PRKD1: variants seen among roughly 807,000 people sequenced by gnomAD.
PRKD1 encodes serine/threonine-protein kinase D1.
In PRKD1, 63 loss-of-function variants were observed where a neutral mutation model predicts 95.9. The ratio of observed to expected loss-of-function variants is 0.66; its 90% CI spans 0.54 to 0.81. PRKD1 has a LOEUF of 0.81. Ranked by LOEUF, PRKD1 falls within the 30% of genes least tolerant of loss-of-function variation. The pLI is 0.00. For missense variants in PRKD1, 1,048 were observed against 1,165.3 expected (o/e 0.90, Z 1.47); for synonymous variants, 425 against 423.1 (o/e 1.00, Z -0.05).
At chr14:29,771,669 G>A (rs950216892) in intron 1 of PRKD1, among the ~76,000 whole-genome samples, 1 of 152,168 alleles carries the variant, frequency 6.6e-6, no homozygotes, top group African/African-American at 2.4e-5. Context: ...ACTCAGAACT[G>A]TAGATACAAC....
rs772499291 is a variant in PRKD1, at chr14:29,638,893, T to C, written c.708A>G (p.Pro236=). Residue 236 remains proline, a synonymous_variant, in exon 5 of 18, where the codon CCA becomes CCG. Coordinates refer to ENST00000331968, the MANE Select transcript of PRKD1 (RefSeq NM_002742.3). Reference sequence around the variant, plus strand: ...TCTCTCGACCAATAAACGACTCTGATGGTGATTTTTGCTACATTTTGGAAA... The same window carrying C: ...TCTCTCGACCAATAAACGACTCTGACGGTGATTTTTGCTACATTTTGGAAA... The part of the protein sequence containing the change: ...APDEPLLQKS[P]SESFIGREKR... 1.2e-6 allele frequency: 2 copies of C among 1,614,066 alleles called. No homozygotes were observed. The highest frequency in any genetic ancestry group is 1.7e-6 in the Non-Finnish European group (2 of 1,179,938).
At chr14:29,707,960 T>C (rs9322846) in intron 2 of PRKD1, among the ~76,000 whole-genome samples, 77,066 of 151,934 alleles carry the variant, frequency 0.51, 21,726 homozygotes, top group African/African-American at 0.76. Context: ...CAATCTTCAT[T>C]AACTGCCCAT....
At chr14:29,656,140 A>G (rs1454369029) in intron 4 of PRKD1, among the ~76,000 whole-genome samples, 1 of 152,146 alleles carries the variant, frequency 6.6e-6, no homozygotes, top group Non-Finnish European at 1.5e-5. Context: ...CATTCTCAAT[A>G]TGTCTGCTCA....
At chr14:29,682,545 A>G (rs1374385129) in intron 2 of PRKD1, among the ~76,000 whole-genome samples, 11 of 152,326 alleles carry the variant, frequency 7.2e-5, no homozygotes, top group Admixed American at 6.5e-4. Flanking sequence ...TTGCTTTATT[A>G]AATGGCTTTA....
chr14:29,831,364 G>A (rs1891404229), intron 1 of PRKD1, among the ~76,000 whole-genome samples: 1 of 151,560 alleles, frequency 6.6e-6, no homozygotes, highest in African/African-American at 2.4e-5. Context: ...GGCCAGAACA[G>A]TTTAAGGTCA....
At chr14:29,834,300 T>C (rs1212657189) in intron 1 of PRKD1, among the ~76,000 whole-genome samples, 1 of 152,172 alleles carries the variant, frequency 6.6e-6, no homozygotes, top group African/African-American at 2.4e-5. Flanking sequence ...CTACTTTGTT[T>C]GTATTTTTGA....
Position 29,927,474 on chromosome 14 carries a change from C to T in PRKD1, c.39G>A (p.Leu13=), listed in dbSNP as rs963836055. 9 of 1,268,134 alleles carry T rather than the reference C, an allele frequency of 7.1e-6. No homozygotes were observed. The highest frequency in any genetic ancestry group is 8.9e-6 in the Non-Finnish European group (9 of 1,012,310). 78.6% of individuals were successfully genotyped at this position (1,268,134 alleles called of 1,614,324 possible). A position where few individuals can be genotyped will look rare whatever the true frequency, so the allele number is the denominator to read the frequency against. Reference sequence around the variant, plus strand: ...CGGCAGCTGCCGCCGCCACGGGCAGCAGCGGACTGGGCGGCCGCAGGACCG... The same window carrying T: ...CGGCAGCTGCCGCCGCCACGGGCAGTAGCGGACTGGGCGGCCGCAGGACCG... ...APPVLRPPSP[L]LPVAAAAAAA... Residue 13 remains leucine (L), a synonymous_variant, in exon 1 of 18, where the codon CTG becomes CTA. Coordinates refer to ENST00000331968, the MANE Select transcript of PRKD1 (RefSeq NM_002742.3).
chr14:29,924,371 A>G (rs916750949), intron 1 of PRKD1, among the ~76,000 whole-genome samples: 5 of 152,128 alleles, frequency 3.3e-5, no homozygotes, highest in Admixed American at 3.3e-4. Flanking sequence ...GAACAACTAT[A>G]CTCTAAATTC....
rs189687559 is a variant in PRKD1, at chr14:29,775,165, G to A, written c.265-49491C>T. Among the ~76,000 whole-genome samples the A allele has an allele frequency of 1.7e-3, 255 of 152,296 alleles. 1 individual carries two copies. The highest frequency in any genetic ancestry group is 7.6e-3 in the Admixed American group (116 of 15,298). On this transcript the variant is annotated intron_variant, in intron 1 of 17. Coordinates refer to ENST00000331968, the MANE Select transcript of PRKD1 (RefSeq NM_002742.3). ...GCTTATAGAACCTTGAGAGGACCGA[G>A]AGGTTCCAAGATGGCCGAATAGGAA...
At chr14:29,606,225 C>T (rs1594356384) in intron 13 of PRKD1, among the ~76,000 whole-genome samples, 2 of 152,126 alleles carry the variant, frequency 1.3e-5, no homozygotes, top group Non-Finnish European at 2.9e-5. Flanking sequence ...GTTAGCCAGG[C>T]TGGTCACAAA....
chr14:29,794,209 A>G (rs1242047570), intron 1 of PRKD1, among the ~76,000 whole-genome samples: 2 of 152,016 alleles, frequency 1.3e-5, no homozygotes. Context: ...AACAAGGGCC[A>G]TGATTTATAA....
intron 16 of PRKD1, chr14:29,590,969 G>A (rs1250497667): frequency 3.3e-5 from 5 of 152,122 alleles, no homozygotes; most frequent in East Asian, 1.9e-4. Flanking sequence ...CAGTAGAGAC[G>A]GGGTTTCATG....
In PRKD1 at chr14:29,668,915, A is replaced by G. The variant is rs779821326; in HGVS notation, c.404-2707T>C. 2.6e-5 allele frequency among the ~76,000 whole-genome samples: 4 copies of G among 152,304 alleles called. No individual in the cohort carries two copies. The South Asian group carries it at 8.3e-4, about 32-fold the overall frequency. ...GAAAACTGATACTCAGAAATTAAGG[A>G]GCTACACTAGGTAATACAGAATCTG... is the stretch of plus-strand genomic sequence containing the variant. On this transcript the variant is annotated intron_variant, in intron 2 of 17. Coordinates refer to ENST00000331968, the MANE Select transcript of PRKD1 (RefSeq NM_002742.3).
chr14:29,844,862 T>C (rs966647926), intron 1 of PRKD1, among the ~76,000 whole-genome samples: 2 of 152,080 alleles, frequency 1.3e-5, no homozygotes, highest in African/African-American at 4.8e-5. Context: ...GCTTTGTCCA[T>C]CAGATATCCG....
At chr14:29,869,701 G>C (rs1427432770) in intron 1 of PRKD1, among the ~76,000 whole-genome samples, 1 of 152,030 alleles carries the variant, frequency 6.6e-6, no homozygotes, top group Non-Finnish European at 1.5e-5. Flanking sequence ...ACTATGCTAT[G>C]GTCCCCCAGT....
In PRKD1 at chr14:29,624,178, G is replaced by C; in HGVS notation, c.1879C>G (p.Leu627Val). The C allele has an allele frequency of 6.2e-7, 1 of 1,604,758 alleles. No homozygotes were observed. Among genetic ancestry groups the C allele is most frequent in the South Asian group, 1.1e-5 (1 of 89,742 alleles). Residue 627 changes from leucine (L) to valine (V), a missense_variant, in exon 13 of 18, where the codon CTT becomes GTT. By Grantham distance (32) the Leu-to-Val change is conservative. This residue lies in a region of PRKD1 where 739 missense variants were observed against 861.9 expected (regional missense o/e 0.86). Coordinates refer to ENST00000331968, the MANE Select transcript of PRKD1 (RefSeq NM_002742.3). Reference protein sequence around the residue: ...LRFPTKQESQLRNEVAILQNL... With the variant: ...LRFPTKQESQVRNEVAILQNL... The stretch of plus-strand genomic sequence containing the variant: ...TGTAGAATTGCAACCTCATTACGAA[G>C]CTGGCTTTCTTGTTTTGTTGGAAAT...
At chr14:29,581,940 C>T (rs1362581435) in intron 16 of PRKD1, among the ~76,000 whole-genome samples, 1 of 152,084 alleles carries the variant, frequency 6.6e-6, no homozygotes, top group Non-Finnish European at 1.5e-5. Context: ...ATTCTTTGAG[C>T]AAGTCTTAAA....
chr14:29,612,099 G>C (rs1878509870), intron 13 of PRKD1, among the ~76,000 whole-genome samples: 1 of 152,168 alleles, frequency 6.6e-6, no homozygotes, highest in African/African-American at 2.4e-5. Context: ...CCAGATAATG[G>C]TAACTAAAGT....
chr14:29,856,457 A>G (rs931552082), intron 1 of PRKD1, among the ~76,000 whole-genome samples: 1 of 152,228 alleles, frequency 6.6e-6, no homozygotes, highest in Non-Finnish European at 1.5e-5. Flanking sequence ...CTCACTAGGT[A>G]TTTTTATAGG....
Sources: gnomAD v4.1 joint callset for allele counts (sites outside exome capture counted in the v4.1 genomes callset) on GRCh38, gnomAD v4.1.1 for gene constraint, gnomAD v4.1.1 regional missense constraint, MANE v1.5 for transcripts, NCBI Gene and HGNC (gene_info 2026-07-23, HGNC 2026-07-21) for gene names.